Variants in RPS6KC1 observed in about 807,000 individuals in gnomAD.
RPS6KC1 encodes ribosomal protein S6 kinase C1.
Under a neutral mutation model 103.8 loss-of-function variants are expected in RPS6KC1, and 54 were observed. The ratio of observed to expected loss-of-function variants is 0.52; its 90% CI spans 0.42 to 0.65. RPS6KC1 has a LOEUF of 0.65. Ranked by LOEUF, RPS6KC1 falls within the 30% of genes least tolerant of loss-of-function variation. RPS6KC1 has a pLI of 0.00. For missense variants in RPS6KC1, 1,151 were observed against 1,253.8 expected, an observed-to-expected ratio of 0.92 and a Z score of 1.24; for synonymous variants, 439 against 438.7, an observed-to-expected ratio of 1.00 and a Z score of -0.01.
the RPS6KC1 span, among the ~76,000 whole-genome samples, chr1:213,358,167 T>G: frequency 6.6e-6 from 1 of 152,134 alleles, no homozygotes; most frequent in South Asian, 2.1e-4. Flanking sequence ...TTAGGGAGGA[T>G]TCCCTCTTTT....
At chr1:213,652,659 GACC>G in the RPS6KC1 span, among the ~76,000 whole-genome samples, 4 of 152,160 alleles carry the variant, frequency 2.6e-5, no homozygotes, top group African/African-American at 7.2e-5. Flanking sequence ...GCTGTCCTGA[GACC>G]ACCCTGTGAA....
chr1:213,310,485 C>T, the RPS6KC1 span, among the ~76,000 whole-genome samples: 1 of 152,162 alleles, frequency 6.6e-6, no homozygotes, highest in Non-Finnish European at 1.5e-5. Flanking sequence ...TAGATAGCTC[C>T]CTTCCTTCTG....
chr1:213,669,735 A>T, the RPS6KC1 span, among the ~76,000 whole-genome samples: 1 of 152,226 alleles, frequency 6.6e-6, no homozygotes, highest in Admixed American at 6.5e-5. Flanking sequence ...TGGTACAAGC[A>T]GACAGGTTTG....
the RPS6KC1 span, among the ~76,000 whole-genome samples, chr1:213,683,666 G>A: frequency 7.9e-5 from 12 of 152,266 alleles, no homozygotes; most frequent in East Asian, 2.1e-3. Flanking sequence ...AGCCCTAACT[G>A]TCCGAGTTCC....
At chr1:213,357,091 A>G in the RPS6KC1 span, among the ~76,000 whole-genome samples, 1 of 152,152 alleles carries the variant, frequency 6.6e-6, no homozygotes, top group South Asian at 2.1e-4. Flanking sequence ...TCAGCCTACC[A>G]TCTGTGCAGC....
intron 6 of RPS6KC1, among the ~76,000 whole-genome samples, chr1:213,130,235 A>G (rs1450041267): frequency 6.6e-6 from 1 of 152,162 alleles, no homozygotes; most frequent in Non-Finnish European, 1.5e-5. Context: ...TAATTCACAG[A>G]GATTCTTGAT....
intron 8 of RPS6KC1, among the ~76,000 whole-genome samples, chr1:213,221,976 G>A (rs566866620): frequency 3.3e-5 from 5 of 152,170 alleles, no homozygotes; most frequent in Non-Finnish European, 7.4e-5. Context: ...ATAGGAGCCT[G>A]AAGAACTCAA....
At chr1:213,531,904 G>A in the RPS6KC1 span, among the ~76,000 whole-genome samples, 1 of 152,128 alleles carries the variant, frequency 6.6e-6, no homozygotes, top group Non-Finnish European at 1.5e-5. Flanking sequence ...TCTGAAACTC[G>A]CTGACCAAAT....
intron 7 of RPS6KC1, among the ~76,000 whole-genome samples, chr1:213,172,652 C>T (rs1393102653): frequency 4.6e-5 from 7 of 152,026 alleles, no homozygotes; most frequent in Admixed American, 6.5e-5. Flanking sequence ...CTAATCCATG[C>T]GTAGTGGCTG....
the RPS6KC1 span, among the ~76,000 whole-genome samples, chr1:213,468,792 G>C: frequency 6.6e-6 from 1 of 152,136 alleles, no homozygotes; most frequent in Non-Finnish European, 1.5e-5. Context: ...GATCTAGTTC[G>C]TGCCTATTCA....
chr1:213,704,125 C>T, the RPS6KC1 span, among the ~76,000 whole-genome samples: 3 of 152,180 alleles, frequency 2.0e-5, no homozygotes, highest in South Asian at 2.1e-4. Flanking sequence ...CGGTGGCTCA[C>T]GCCTGTAATC....
At chr1:213,085,384 T>G (rs1443694647) in intron 3 of RPS6KC1, among the ~76,000 whole-genome samples, 1 of 152,204 alleles carries the variant, frequency 6.6e-6, no homozygotes, top group African/African-American at 2.4e-5. Flanking sequence ...GCAAAGACTC[T>G]CTAAATAAGG....
At chr1:213,266,902 TCAAA>T (rs66700615) in intron 14 of RPS6KC1, among the ~76,000 whole-genome samples, 6,440 of 147,858 alleles carry the variant, frequency 0.044, 201 homozygotes, top group Middle Eastern at 0.072. Context: ...AGGCTCCGTC[TCAAA>T]CAAACAAACA....
the RPS6KC1 span, among the ~76,000 whole-genome samples, chr1:213,659,750 G>A: frequency 0.35 from 53,055 of 151,650 alleles, 11,169 homozygotes; most frequent in Non-Finnish European, 0.48. Flanking sequence ...TAGACCAGAG[G>A]TGCATATGTG....
At chr1:213,123,440 G>C (rs751931240) in intron 5 of RPS6KC1, among the ~76,000 whole-genome samples, 1 of 152,114 alleles carries the variant, frequency 6.6e-6, no homozygotes. Context: ...GAGGTATTCT[G>C]AGGCTCTTTT....
chr1:213,371,481 T>C, the RPS6KC1 span, among the ~76,000 whole-genome samples: 1 of 152,214 alleles, frequency 6.6e-6, no homozygotes, highest in Non-Finnish European at 1.5e-5. Flanking sequence ...CTGAATCATC[T>C]GATAACTGTA....
At chr1:213,559,447 G>A in the RPS6KC1 span, among the ~76,000 whole-genome samples, 326 of 152,306 alleles carry the variant, frequency 2.1e-3, no homozygotes, top group African/African-American at 7.1e-3. Context: ...GCATACAGAA[G>A]TCAGTTAGAT....
chr1:213,246,810 A>G (rs2094461702), intron 12 of RPS6KC1, among the ~76,000 whole-genome samples: 2 of 152,090 alleles, frequency 1.3e-5, no homozygotes, highest in Admixed American at 1.3e-4. Flanking sequence ...GGCTGTGAGT[A>G]TGAGACTGCA....
At chr1:213,798,022 C>T in the RPS6KC1 span, among the ~76,000 whole-genome samples, 2 of 152,178 alleles carry the variant, frequency 1.3e-5, no homozygotes, top group Non-Finnish European at 2.9e-5. Flanking sequence ...ACATTCAAGC[C>T]TGGGCGCCCC....
Sources: allele counts gnomAD v4.1 joint callset (sites outside exome capture counted in the v4.1 genomes callset), GRCh38; gene constraint gnomAD v4.1.1; transcripts MANE v1.5; gene names NCBI Gene and HGNC (gene_info 2026-07-23, HGNC 2026-07-21).